PIP4K2B: variants seen among roughly 807,000 people sequenced by gnomAD.
The protein encoded by PIP4K2B is phosphatidylinositol-5-phosphate 4-kinase type 2 beta, also known as phosphatidylinositol 5-phosphate 4-kinase type-2 beta.
Under a neutral mutation model 42.0 loss-of-function variants are expected in PIP4K2B, and 3 were observed. The observed-to-expected ratio is 0.07, with a 90% confidence interval of 0.03 to 0.18. The LOEUF (loss-of-function observed/expected upper bound fraction) is 0.18, where lower values mean the gene tolerates loss of function less well. Ranked by LOEUF, PIP4K2B falls within the 10% of genes least tolerant of loss-of-function variation. PIP4K2B has a pLI of 1.00. For missense variants in PIP4K2B, 332 were observed against 562.3 expected, an observed-to-expected ratio of 0.59 and a Z score of 4.14; for synonymous variants, 204 against 210.1, an observed-to-expected ratio of 0.97 and a Z score of 0.25.
intron 3 of PIP4K2B, among the ~76,000 whole-genome samples, chr17:38,781,004 G>A (rs183261770): frequency 1.3e-5 from 2 of 152,162 alleles, no homozygotes; most frequent in Admixed American, 1.3e-4. Context: ...TTCCTCATCA[G>A]GAACACAAAG....
At chr17:38,793,505 A>G (rs1032499459) in intron 1 of PIP4K2B, among the ~76,000 whole-genome samples, 1 of 152,062 alleles carries the variant, frequency 6.6e-6, no homozygotes, top group Non-Finnish European at 1.5e-5. Flanking sequence ...TGGCCTCCCT[A>G]ACTGCTGGGA....
Position 38,771,218 on chromosome 17 carries a change from C to T in PIP4K2B, c.862G>A (p.Val288Met), listed in dbSNP as rs142813296. ...DYSLLVGIHD[V>M]DRAEQEEMEV... is the part of the protein sequence containing the mutation. ...ATCTCCTCCTGCTCTGCCCGGTCCA[C>T]GTCGTGGATGCCCACCAGCAGGCTG... The change falls in exon 8 of 10, where the codon GTG (valine) becomes ATG (methionine). Residue 288 changes from valine (V) to methionine (M), a missense_variant. Around this residue, in one of 6 missense-constraint regions of PIP4K2B, gnomAD observed 15 missense variants for 45.2 expected, o/e 0.33. Coordinates refer to ENST00000619039, the MANE Select transcript of PIP4K2B (RefSeq NM_003559.5). 37 of 1,613,958 alleles carry T rather than the reference C, an allele frequency of 2.3e-5. No homozygotes were observed. In the Admixed American group the frequency reaches 3.5e-4, roughly 15 times the overall value.
intron 7 of PIP4K2B, chr17:38,776,760 TAA>T (rs1229546871): frequency 8.9e-6 from 3 of 336,410 alleles, no homozygotes; most frequent in Non-Finnish European, 1.8e-5. Context: ...CTCAATTTAT[TAA>T]AAGAGAAGGA....
At position 38,771,262 on chromosome 17, in the gene PIP4K2B, T is replaced by C. The variant is rs764957991; in HGVS notation, c.818A>G (p.Gln273Arg). ...KLKRDVEFLA[Q>R]LKIMDYSLLV... ...CAGGCTGTAGTCCATGATCTTCAGC[T>C]GTGCCAAGAACTAGGAAGGGCAAGG... The change falls in exon 8 of 10, where the codon CAG becomes CGG. Residue 273 changes from glutamine (Q) to arginine (R), a missense_variant. Coordinates refer to ENST00000619039, the MANE Select transcript of PIP4K2B (RefSeq NM_003559.5). 6.2e-7 allele frequency: 1 copy of C among 1,614,066 alleles called. No homozygotes were observed. The highest frequency in any genetic ancestry group is 8.5e-7 in the Non-Finnish European group (1 of 1,180,018).
At chr17:38,776,550 C>CAGG in intron 7 of PIP4K2B, 1 of 393,272 alleles carries the variant, frequency 2.5e-6, no homozygotes, top group Non-Finnish European at 5.0e-6. Flanking sequence ...CACTTGAACC[C>CAGG]AGGAGGCGGA....
At position 38,770,426 on chromosome 17, in the gene PIP4K2B, G is replaced by A; in HGVS notation, c.1170+10C>T. 6.4e-7 allele frequency: 1 copy of A among 1,566,698 alleles called. No homozygotes were observed. Among genetic ancestry groups the A allele is most frequent in the East Asian group, 2.2e-5 (1 of 44,618 alleles). On this transcript the variant is annotated intron_variant, in intron 9 of 9. Coordinates refer to ENST00000619039, the MANE Select transcript of PIP4K2B (RefSeq NM_003559.5). ...CAGCTGGGCCCTGGATGAAGATGGAGAGGACTCACCCCGTGTTTCACCGTT... is the reference window on the plus strand; with the variant it reads ...CAGCTGGGCCCTGGATGAAGATGGAAAGGACTCACCCCGTGTTTCACCGTT...
intron 7 of PIP4K2B, 49 bp from the exon 8 acceptor site, chr17:38,771,321 G>A (rs768880462): frequency 1.0e-5 from 16 of 1,603,740 alleles, no homozygotes; most frequent in Non-Finnish European, 1.1e-5. Context: ...GGTTACACAG[G>A]ACATCCCAGT....
chr17:38,769,868 A>G, intron 9 of PIP4K2B, 97 bp from the exon 10 acceptor site: 1 of 1,138,282 alleles, frequency 8.8e-7, no homozygotes, highest in South Asian at 1.2e-5. Context: ...CCTCTTACTC[A>G]GTATCAGAGC....
chr17:38,784,104 G>C, intron 3 of PIP4K2B, 139 bp downstream of exon 3: 1 of 592,584 alleles, frequency 1.7e-6, no homozygotes, highest in South Asian at 2.2e-5. Flanking sequence ...CTGGGGGAGA[G>C]ACCGCCTGGG....
chr17:38,770,193 G>GC (rs1163217525), intron 9 of PIP4K2B, among the ~76,000 whole-genome samples: 1 of 152,214 alleles, frequency 6.6e-6, no homozygotes, highest in Non-Finnish European at 1.5e-5. Flanking sequence ...GGCAGGCTTG[G>GC]CCCCGAGGGC....
In PIP4K2B at chr17:38,765,763, C is replaced by G. The variant is rs1164185705; in HGVS notation, c.*3928G>C. ...ATCGTAACATGCATGCATTTTCAAA[C>G]AGTAACAGGGTCTCAAACTTTTTAA... On this transcript the variant is annotated 3_prime_UTR_variant, in exon 10 of 10. Coordinates refer to ENST00000619039, the MANE Select transcript of PIP4K2B (RefSeq NM_003559.5). The G allele has an allele frequency of 1.3e-5, 2 of 152,516 alleles. No homozygotes were observed. The highest frequency in any genetic ancestry group is 2.9e-5 in the Non-Finnish European group (2 of 68,036). The allele number at this position is 152,516 out of a possible 1,614,324, so 9.4% of individuals were successfully genotyped here.
In PIP4K2B at chr17:38,779,501, A is replaced by G; in HGVS notation, c.536T>C (p.Leu179Pro). 6.2e-7 allele frequency: 1 copy of G among 1,614,052 alleles called. No homozygotes were observed. Among genetic ancestry groups the G allele is most frequent in the Non-Finnish European group, 8.5e-7 (1 of 1,179,894 alleles). Residue 179 changes from leucine to proline, a missense_variant, in exon 5 of 10, where the codon CTT becomes CCT. Physicochemically the swap from Leu to Pro is moderately conservative, Grantham distance 98. Around this residue, in one of 6 missense-constraint regions of PIP4K2B, gnomAD observed 186 missense variants for 288.4 expected, o/e 0.64. Transcript: ENST00000619039. ...QFIVECHGNT[L>P]LPQFLGMYRL... ...GTACATGCCCAGGAACTGTGGCAAA[A>G]GCGTGTTGCCATGACACTCCACTAT...
rs1170523019 is a variant in PIP4K2B at position 38,799,276 on chromosome 17, A to AC, written c.148dup (p.Val50GlyfsTer7). 3.1e-6 allele frequency: 5 copies of AC among 1,599,814 alleles called. No homozygotes were observed. The highest frequency in any genetic ancestry group is 1.7e-6 in the Non-Finnish European group (2 of 1,174,596). On this transcript the variant is annotated frameshift_variant, in exon 1 of 10. Coordinates refer to ENST00000619039, the MANE Select transcript of PIP4K2B (RefSeq NM_003559.5). LOFTEE classifies it high-confidence loss of function. This position sits in a 1 kb window ranked among gnomAD's most constrained non-coding sequence, Gnocchi z 4.4. Reference sequence around the variant, plus strand: ...GCAGGAGCTGGTTACCGTGTGGTTCACCCCCCACATCAGGACGCTGAGGAT... The same window carrying AC: ...GCAGGAGCTGGTTACCGTGTGGTTCACCCCCCCACATCAGGACGCTGAGGAT...
rs1056058004 is a variant in PIP4K2B at position 38,767,806 on chromosome 17, C to T, written c.*1885G>A. 6.6e-6 allele frequency: 1 copy of T among 152,166 alleles called. No individual in the cohort carries two copies. Among genetic ancestry groups the T allele is most frequent in the African/African-American group, 2.4e-5 (1 of 41,424 alleles). The allele number at this position is 152,166 out of a possible 1,614,324, so 9.4% of individuals were successfully genotyped here. On this transcript the variant is annotated 3_prime_UTR_variant, in exon 10 of 10. Coordinates refer to ENST00000619039, the MANE Select transcript of PIP4K2B (RefSeq NM_003559.5). The stretch of plus-strand genomic sequence containing the variant: ...CATTATTCCTACATAATCCCTTTCC[C>T]AAGTCAAATTTGTTTTCTCCATGAG...
chr17:38,771,247 T>TC lies in PIP4K2B; in HGVS notation c.832dup (p.Asp278GlyfsTer31). On this transcript the variant is annotated frameshift_variant, in exon 8 of 10. Coordinates refer to ENST00000619039, the MANE Select transcript of PIP4K2B (RefSeq NM_003559.5). LOFTEE classifies it high-confidence loss of function. ...GTGGATGCCCACCAGCAGGCTGTAG[T>TC]CCATGATCTTCAGCTGTGCCAAGAA... 1 of 1,613,904 alleles carries TC rather than the reference T, an allele frequency of 6.2e-7. No individual in the cohort carries two copies. The highest frequency in any genetic ancestry group is 8.5e-7 in the Non-Finnish European group (1 of 1,179,954).
intron 7 of PIP4K2B, among the ~76,000 whole-genome samples, chr17:38,772,482 T>A (rs1443728809): frequency 6.6e-6 from 1 of 152,220 alleles, no homozygotes; most frequent in Non-Finnish European, 1.5e-5. Context: ...TATAGTTGTA[T>A]CACAGTGCTT....
At position 38,791,406 on chromosome 17, in the gene PIP4K2B, A is replaced by ATTTTTTTTTTTT. The variant is rs58027566; in HGVS notation, c.160-4498_160-4487dup. ...TTTCCTAATCTGGCTCAGACTGCCAATTTTTTTTTTTTTTTTTTTTTTTTT... is the reference window on the plus strand; with the variant it reads ...TTTCCTAATCTGGCTCAGACTGCCAATTTTTTTTTTTTTTTTTTTTTTTTTTTTTTTTTTTTT... On this transcript the variant is annotated intron_variant, in intron 1 of 9. Transcript: ENST00000619039. 2.3e-3 allele frequency among the ~76,000 whole-genome samples: 211 copies of ATTTTTTTTTTTT among 91,152 alleles called. 22 individuals are homozygous for ATTTTTTTTTTTT. The highest frequency in any genetic ancestry group is 9.0e-3 in the African/African-American group (181 of 20,132). The allele number at this position is 91,152 out of a possible 152,430, so 59.8% of individuals were successfully genotyped here. A position where few individuals can be genotyped will look rare whatever the true frequency, so the allele number is the denominator to read the frequency against.
At chr17:38,779,620 C>G in intron 4 of PIP4K2B, 91 bp from the exon 5 acceptor site, 1 of 1,132,304 alleles carries the variant, frequency 8.8e-7, no homozygotes, top group Non-Finnish European at 1.3e-6. Context: ...CTCCCTGGCT[C>G]CCTGGGATTC....
At chr17:38,786,452 C>G (rs565478855) in intron 2 of PIP4K2B, among the ~76,000 whole-genome samples, 1 of 152,338 alleles carries the variant, frequency 6.6e-6, no homozygotes, top group East Asian at 1.9e-4. Flanking sequence ...AGACCAAGAA[C>G]ATGCCTGGCA....
Sources: allele counts gnomAD v4.1 joint callset (sites outside exome capture counted in the v4.1 genomes callset), GRCh38; gene constraint gnomAD v4.1.1; regional missense constraint gnomAD v4.1.1; non-coding constraint Gnocchi (gnomAD v3.1); transcripts MANE v1.5; gene names NCBI Gene and HGNC (gene_info 2026-07-23, HGNC 2026-07-21).